Variants in ZBTB16 observed in about 807,000 individuals in gnomAD.
ZBTB16 encodes the protein zinc finger and BTB domain-containing protein 16.
ZBTB16 carries 8 observed loss-of-function variants against 56.8 expected under a neutral mutation model. That is an observed-to-expected ratio of 0.14 (90% CI 0.08 to 0.25). ZBTB16 has a LOEUF of 0.25. ZBTB16 is among the 10% of genes least tolerant of loss of function. ZBTB16 has a pLI of 1.00. For missense variants in ZBTB16, 625 were observed against 903.0 expected (o/e 0.69, Z 3.95); for synonymous variants, 363 against 368.5 (o/e 0.98, Z 0.17).
chr11:114,134,519 G>A (rs1156462139), intron 2 of ZBTB16, among the ~76,000 whole-genome samples: 2 of 152,164 alleles, frequency 1.3e-5, no homozygotes, highest in Non-Finnish European at 2.9e-5. Flanking sequence ...AAATGGGAAT[G>A]GGGTCAGCCA....
intron 6 of ZBTB16, among the ~76,000 whole-genome samples, chr11:114,249,957 G>T (rs1252621379): frequency 6.6e-6 from 1 of 151,930 alleles, no homozygotes; most frequent in Non-Finnish European, 1.5e-5. Flanking sequence ...AGGACTTTGG[G>T]GCCTTTCTCT....
At chr11:114,085,753 G>A (rs1004085653) in intron 2 of ZBTB16, among the ~76,000 whole-genome samples, 2 of 152,098 alleles carry the variant, frequency 1.3e-5, no homozygotes, top group African/African-American at 2.4e-5. Context: ...GCAGGTGCCT[G>A]TATACAAGGT....
chr11:114,141,287 A>G lies in ZBTB16; in HGVS notation c.1269-15050A>G, dbSNP rs559537011. 2.6e-5 allele frequency among the ~76,000 whole-genome samples: 4 copies of G among 152,334 alleles called. No homozygotes were observed. The South Asian group carries it at 8.3e-4, about 32-fold the overall frequency. On this transcript the variant is annotated intron_variant, in intron 2 of 6. Coordinates refer to ENST00000335953, the MANE Select transcript of ZBTB16 (RefSeq NM_006006.6). ...CTTCGGAGCTTCCAGAGCCCCCGAA[A>G]GGACCAACTGAATCTCACCATATCC...
chr11:114,209,612 GC>G, intron 4 of ZBTB16: 1 of 985,444 alleles, frequency 1.0e-6, no homozygotes, highest in African/African-American at 1.7e-5. Flanking sequence ...TCCCTGGGGG[GC>G]TCTCCTCTGC....
chr11:114,185,658 G>A (rs559739882), intron 3 of ZBTB16, among the ~76,000 whole-genome samples: 34 of 152,332 alleles, frequency 2.2e-4, no homozygotes, highest in South Asian at 1.0e-3. Context: ...TGAGTGTGAC[G>A]CAGCAAGGGC....
intron 4 of ZBTB16, among the ~76,000 whole-genome samples, chr11:114,202,154 G>A (rs984832107): frequency 5.9e-5 from 9 of 152,210 alleles, no homozygotes; most frequent in Admixed American, 2.0e-4. Context: ...TGGGCCTGAC[G>A]GAGGAAGTGA....
chr11:114,118,688 C>G (rs1941250707), intron 2 of ZBTB16, among the ~76,000 whole-genome samples: 1 of 152,134 alleles, frequency 6.6e-6, no homozygotes, highest in African/African-American at 2.4e-5. Context: ...GATGAAGTGA[C>G]TGGAACCAGG....
chr11:114,100,750 G>T (rs1249150154), intron 2 of ZBTB16, among the ~76,000 whole-genome samples: 2 of 152,164 alleles, frequency 1.3e-5, no homozygotes, highest in South Asian at 2.1e-4. Flanking sequence ...TCGCTTTGTG[G>T]AATTATTAAC....
chr11:114,163,155 T>C (rs933473424), intron 3 of ZBTB16, among the ~76,000 whole-genome samples: 1 of 152,044 alleles, frequency 6.6e-6, no homozygotes, highest in Non-Finnish European at 1.5e-5. Flanking sequence ...AATACATTTC[T>C]TTCCTCTCCC....
At position 114,254,716 on chromosome 11, in the gene ZBTB16, T is replaced by C. The variant is rs1267427409; in HGVS notation, c.*4161T>C. ...GTGGTCATCTTTCCCCCTCCCATCATACCTCCTCCTTCCTGGAGCCTCTGC... is the reference window on the plus strand; with the variant it reads ...GTGGTCATCTTTCCCCCTCCCATCACACCTCCTCCTTCCTGGAGCCTCTGC... On this transcript the variant is annotated 3_prime_UTR_variant, in exon 7 of 7. Coordinates refer to ENST00000335953, the MANE Select transcript of ZBTB16 (RefSeq NM_006006.6). 6.6e-6 allele frequency among the ~76,000 whole-genome samples: 1 copy of C among 152,214 alleles called. No homozygotes were observed. Among genetic ancestry groups the C allele is most frequent in the Non-Finnish European group, 1.5e-5 (1 of 68,026 alleles).
chr11:114,211,803 T>C (rs1004480511), intron 4 of ZBTB16, among the ~76,000 whole-genome samples: 10 of 152,096 alleles, frequency 6.6e-5, no homozygotes, highest in African/African-American at 2.2e-4. Context: ...GAGCGCTTTA[T>C]AAGCTCGCGA....
intron 2 of ZBTB16, among the ~76,000 whole-genome samples, chr11:114,114,519 G>A (rs2137787641): frequency 6.6e-6 from 1 of 152,264 alleles, no homozygotes; most frequent in South Asian, 2.1e-4. Context: ...TGTAAAAAGA[G>A]TTTGTTTCAG....
In ZBTB16 at chr11:114,256,031, T is replaced by TTG. The variant is rs1555163216; in HGVS notation, c.*5477_*5478insGT. Among the ~76,000 whole-genome samples, 2 of 119,792 alleles carry TTG rather than the reference T, an allele frequency of 1.7e-5. No homozygotes were observed. Among genetic ancestry groups the TTG allele is most frequent in the East Asian group, 3.4e-4 (1 of 2,920 alleles). The allele number at this position is 119,792 out of a possible 152,430, so 78.6% of individuals were successfully genotyped here. A position where few individuals can be genotyped will look rare whatever the true frequency, so the allele number is the denominator to read the frequency against. ...TACTTGGTTTTGTTTTGTTTTTTTT[T>TTG]TTTGTTTTTTTTGCCTTTTCTTGTG... On this transcript the variant is annotated 3_prime_UTR_variant, in exon 7 of 7. Transcript: ENST00000335953.
At chr11:114,071,010 C>T (rs1450865438) in intron 2 of ZBTB16, among the ~76,000 whole-genome samples, 1 of 152,138 alleles carries the variant, frequency 6.6e-6, no homozygotes, top group Non-Finnish European at 1.5e-5. Flanking sequence ...GCTCTGTCAC[C>T]ATTGACATCG....
Position 114,250,649 on chromosome 11 carries a change from G to GAAAA in ZBTB16, c.*102_*105dup. ...GACTATGACAAATAAAAAAGGAAAAGAAAAAAAAAAACAGAAGGAAAAGGA... is the reference window on the plus strand; with the variant it reads ...GACTATGACAAATAAAAAAGGAAAAGAAAAAAAAAAAAAAACAGAAGGAAAAGGA... On this transcript the variant is annotated 3_prime_UTR_variant, in exon 7 of 7. Coordinates refer to ENST00000335953, the MANE Select transcript of ZBTB16 (RefSeq NM_006006.6). The surrounding 1 kb of genome is among the most constrained non-coding windows in gnomAD (Gnocchi z 6.0). 1 of 1,004,526 alleles carries GAAAA rather than the reference G, an allele frequency of 1.0e-6. No homozygotes were observed. The highest frequency in any genetic ancestry group is 1.4e-6 in the Non-Finnish European group (1 of 716,798). 62.2% of individuals were successfully genotyped at this position (1,004,526 alleles called of 1,614,324 possible).
chr11:114,212,303 A>G (rs1944013920), intron 4 of ZBTB16, among the ~76,000 whole-genome samples: 1 of 152,088 alleles, frequency 6.6e-6, no homozygotes, highest in African/African-American at 2.4e-5. Context: ...AGAAGCTGGG[A>G]GTGACTTTGA....
At chr11:114,230,273 G>A (rs561746151) in intron 4 of ZBTB16, among the ~76,000 whole-genome samples, 3 of 152,254 alleles carry the variant, frequency 2.0e-5, no homozygotes, top group Non-Finnish European at 2.9e-5. Flanking sequence ...TGAAACAAAC[G>A]CAAGGAGCCC....
rs61441908 is a variant in ZBTB16, at chr11:114,228,538, G to A, written c.1454-13629G>A. Reference sequence around the variant, plus strand: ...TGTCCCTGGACAGCTTAGGGGTTCCGTGGACTCCAGGTTAAGAAGCCGTGC... The same window carrying A: ...TGTCCCTGGACAGCTTAGGGGTTCCATGGACTCCAGGTTAAGAAGCCGTGC... On this transcript the variant is annotated intron_variant, in intron 4 of 6. Transcript: ENST00000335953. 1.4e-3 allele frequency among the ~76,000 whole-genome samples: 217 copies of A among 152,312 alleles called. 2 individuals carry two copies. Among genetic ancestry groups the A allele is most frequent in the African/African-American group, 4.9e-3 (205 of 41,562 alleles).
chr11:114,131,717 G>A (rs1941665021), intron 2 of ZBTB16, among the ~76,000 whole-genome samples: 2 of 152,150 alleles, frequency 1.3e-5, no homozygotes, highest in Admixed American at 1.3e-4. Context: ...GAGACTTCCG[G>A]TAGCACTTTC....
Sources: gnomAD v4.1 joint callset for allele counts (sites outside exome capture counted in the v4.1 genomes callset) on GRCh38, gnomAD v4.1.1 for gene constraint, Gnocchi (gnomAD v3.1) non-coding constraint, MANE v1.5 for transcripts, NCBI Gene and HGNC (gene_info 2026-07-23, HGNC 2026-07-21) for gene names.